The following CATSPERE variants were observed in gnomAD, a reference collection of about 807,000 sequenced individuals.
CATSPERE encodes cation channel sperm-associated auxiliary subunit epsilon.
CATSPERE carries 93 observed loss-of-function variants against 114.1 expected under a neutral mutation model. The ratio of observed to expected loss-of-function variants is 0.81; its 90% CI spans 0.69 to 0.97. The LOEUF is 0.97. Ranked by LOEUF, CATSPERE falls within the 50% of genes least tolerant of loss-of-function variation. The pLI, the probability that CATSPERE is intolerant of heterozygous loss-of-function variation, is 0.00. For missense variants in CATSPERE, 1,058 were observed against 1,131.6 expected, an observed-to-expected ratio of 0.93 and a Z score of 0.93; for synonymous variants, 341 against 384.1, an observed-to-expected ratio of 0.89 and a Z score of 1.31.
chr1:244,591,869 C>CA lies in CATSPERE; in HGVS notation c.2189+142dup, dbSNP rs889941931. The CA allele has an allele frequency of 1.1e-5, 6 of 562,396 alleles. No individual in the cohort carries two copies. In the African/African-American group the frequency reaches 1.2e-4, roughly 11 times the overall value. 34.8% of individuals were successfully genotyped at this position (562,396 alleles called of 1,614,324 possible). On this transcript the variant is annotated intron_variant, in intron 15 of 21. Transcript: ENST00000366534. Reference sequence around the variant, plus strand: ...CTGTGCAGTCAGTTTTAGCATTAAGCAAAATGTGTAGATGGTATAATTAAC... The same window carrying CA: ...CTGTGCAGTCAGTTTTAGCATTAAGCAAAAATGTGTAGATGGTATAATTAAC...
chr1:244,589,062 T>C (rs1379188135), intron 14 of CATSPERE, among the ~76,000 whole-genome samples: 1 of 152,228 alleles, frequency 6.6e-6, no homozygotes, highest in East Asian at 1.9e-4. Flanking sequence ...GGTTCTACTA[T>C]GGTTCATGAT....
intron 20 of CATSPERE, among the ~76,000 whole-genome samples, chr1:244,621,323 T>TA: frequency 7.2e-5 from 1 of 13,926 alleles, no homozygotes; most frequent in African/African-American, 1.5e-4. Context: ...AAAATATATA[T>TA]ATATATATAT....
At chr1:244,602,704 A>G (rs1402890232) in intron 17 of CATSPERE, among the ~76,000 whole-genome samples, 1 of 152,220 alleles carries the variant, frequency 6.6e-6, no homozygotes, top group Non-Finnish European at 1.5e-5. Flanking sequence ...GTGCCACAGA[A>G]GCAGCCCTAG....
intron 9 of CATSPERE, among the ~76,000 whole-genome samples, chr1:244,557,516 T>G (rs1661761957): frequency 8.3e-6 from 1 of 119,926 alleles, no homozygotes; most frequent in Non-Finnish European, 1.8e-5. Context: ...GTATATATAA[T>G]TTTATTTGAA....
chr1:244,454,797 A>C (rs1174959353), intron 1 of CATSPERE, among the ~76,000 whole-genome samples: 1 of 152,108 alleles, frequency 6.6e-6, no homozygotes, highest in Non-Finnish European at 1.5e-5. Flanking sequence ...TCTGTAGTGG[A>C]TAGATGGGTG....
chr1:244,534,202 C>A (rs1288943010), intron 8 of CATSPERE, among the ~76,000 whole-genome samples: 1 of 152,068 alleles, frequency 6.6e-6, no homozygotes, highest in Non-Finnish European at 1.5e-5. Context: ...CTTTATCCTT[C>A]ACCTTTATAG....
intron 8 of CATSPERE, among the ~76,000 whole-genome samples, chr1:244,525,484 TATA>T (rs1016643401): frequency 1.3e-5 from 2 of 148,806 alleles, no homozygotes; most frequent in Admixed American, 6.6e-5. Context: ...AAACTTAAAG[TATA>T]ATAATAATAA....
chr1:244,458,138 A>G (rs1461638218), upstream of CATSPERE, among the ~76,000 whole-genome samples: 2 of 152,156 alleles, frequency 1.3e-5, no homozygotes, highest in African/African-American at 4.8e-5. Flanking sequence ...GTGCTCTTAA[A>G]TGCAGGTTTC....
chr1:244,501,717 T>C (rs1380839052), intron 7 of CATSPERE, among the ~76,000 whole-genome samples: 1 of 152,256 alleles, frequency 6.6e-6, no homozygotes, highest in African/African-American at 2.4e-5. Context: ...AGTGCATTCA[T>C]ACTTAATACT....
upstream of CATSPERE, among the ~76,000 whole-genome samples, chr1:244,459,967 A>G (rs1666518573): frequency 6.6e-6 from 1 of 152,220 alleles, no homozygotes; most frequent in Non-Finnish European, 1.5e-5. Context: ...AGAGCTATCA[A>G]CGGCCTTCTC....
intron 19 of CATSPERE, among the ~76,000 whole-genome samples, chr1:244,617,135 G>A (rs948863967): frequency 6.6e-6 from 1 of 152,130 alleles, no homozygotes; most frequent in African/African-American, 2.4e-5. Flanking sequence ...ATGGTAATGG[G>A]GCTAAATGAA....
intron 7 of CATSPERE, among the ~76,000 whole-genome samples, chr1:244,507,380 A>G (rs547046891): frequency 6.6e-6 from 1 of 152,170 alleles, no homozygotes; most frequent in Non-Finnish European, 1.5e-5. Flanking sequence ...CCAACAGCAT[A>G]TGAGGTTACC....
At chr1:244,497,738 A>C (rs1013723799) in intron 6 of CATSPERE, among the ~76,000 whole-genome samples, 1 of 152,226 alleles carries the variant, frequency 6.6e-6, no homozygotes, top group African/African-American at 2.4e-5. Context: ...TGGAGGTTGC[A>C]GTGAGGTGAG....
intron 7 of CATSPERE, among the ~76,000 whole-genome samples, chr1:244,510,521 T>C (rs1012882458): frequency 7.9e-5 from 12 of 152,220 alleles, no homozygotes; most frequent in African/African-American, 2.9e-4. Context: ...TTGTTTTGTG[T>C]CCTAATATAT....
At chr1:244,625,191 G>A (rs1242300552) in intron 20 of CATSPERE, among the ~76,000 whole-genome samples, 1 of 151,210 alleles carries the variant, frequency 6.6e-6, no homozygotes, top group Non-Finnish European at 1.5e-5. Flanking sequence ...TTCTTAAATA[G>A]TAAGACTTGG....
At chr1:244,524,071 T>C (rs889465005) in intron 8 of CATSPERE, among the ~76,000 whole-genome samples, 1 of 151,588 alleles carries the variant, frequency 6.6e-6, no homozygotes, top group African/African-American at 2.4e-5. Context: ...GGCATCACAC[T>C]ACCTGACTTC....
At chr1:244,596,235 C>T (rs1668402408) in intron 17 of CATSPERE, among the ~76,000 whole-genome samples, 1 of 152,178 alleles carries the variant, frequency 6.6e-6, no homozygotes, top group Non-Finnish European at 1.5e-5. Flanking sequence ...TATATGGTTC[C>T]AGAAAGTCCC....
chr1:244,548,035 A>G (rs1425218907), intron 8 of CATSPERE, among the ~76,000 whole-genome samples: 1 of 152,258 alleles, frequency 6.6e-6, no homozygotes, highest in African/African-American at 2.4e-5. Flanking sequence ...TCAAAAGAAC[A>G]TGATTGGAAA....
At chr1:244,527,495 T>C (rs1052438618) in intron 8 of CATSPERE, among the ~76,000 whole-genome samples, 5 of 152,302 alleles carry the variant, frequency 3.3e-5, no homozygotes, top group Admixed American at 2.6e-4. Context: ...GTGCCCAGAT[T>C]TCATATTGTT....
Sources: gnomAD v4.1 joint callset for allele counts (sites outside exome capture counted in the v4.1 genomes callset) on GRCh38, gnomAD v4.1.1 for gene constraint, MANE v1.5 for transcripts, NCBI Gene and HGNC (gene_info 2026-07-23, HGNC 2026-07-21) for gene names.